The following CAMKMT variants were observed in gnomAD, a reference collection of about 807,000 sequenced individuals.
CAMKMT encodes CaM KMT.
A neutral mutation model predicts 48.0 loss-of-function variants in CAMKMT; 53 were observed. That is an observed-to-expected ratio of 1.10 (90% CI 0.89 to 1.39). The LOEUF is 1.39. CAMKMT is among the 40% of genes most tolerant of loss of function. The pLI is 0.00. For synonymous variants in CAMKMT, 165 were observed against 152.3 expected, an observed-to-expected ratio of 1.08 and a Z score of -0.61; for missense variants, 428 against 402.7, an observed-to-expected ratio of 1.06 and a Z score of -0.54.
chr2:44,541,703 T>C (rs1177142221), intron 3 of CAMKMT, among the ~76,000 whole-genome samples: 1 of 149,332 alleles, frequency 6.7e-6, no homozygotes, highest in Non-Finnish European at 1.5e-5. Flanking sequence ...CCCAGGAGGT[T>C]GAGGCTGCAG....
At chr2:44,654,147 C>G (rs1472108151) in intron 3 of CAMKMT, among the ~76,000 whole-genome samples, 1 of 152,096 alleles carries the variant, frequency 6.6e-6, no homozygotes, top group Non-Finnish European at 1.5e-5. Context: ...TGATCTTAGC[C>G]TAAACATTTC....
At chr2:44,649,838 G>A (rs931718349) in intron 3 of CAMKMT, among the ~76,000 whole-genome samples, 18 of 152,096 alleles carry the variant, frequency 1.2e-4, no homozygotes, top group African/African-American at 4.3e-4. Flanking sequence ...CCTTCTCCCT[G>A]TGAAGCTTTG....
At chr2:44,630,272 AG>A (rs1485557855) in intron 3 of CAMKMT, among the ~76,000 whole-genome samples, 1 of 152,094 alleles carries the variant, frequency 6.6e-6, no homozygotes, top group Admixed American at 6.6e-5. Flanking sequence ...CTTAAACGTT[AG>A]ACCTAAAACC....
chr2:44,575,933 C>T (rs150686333), intron 3 of CAMKMT, among the ~76,000 whole-genome samples: 11 of 152,146 alleles, frequency 7.2e-5, no homozygotes, highest in African/African-American at 2.7e-4. Context: ...AGTCCCCTTC[C>T]TAGTGACTTA....
intron 8 of CAMKMT, among the ~76,000 whole-genome samples, chr2:44,747,290 AT>A (rs951377861): frequency 8.5e-5 from 13 of 152,096 alleles, no homozygotes; most frequent in African/African-American, 2.4e-4. Flanking sequence ...TTTTGTGAAA[AT>A]TTTTTTCCCT....
chr2:44,670,004 A>G (rs74637244), intron 3 of CAMKMT, among the ~76,000 whole-genome samples: 5 of 152,004 alleles, frequency 3.3e-5, no homozygotes, highest in African/African-American at 1.2e-4. Flanking sequence ...ATAGGCTTTC[A>G]TGTTTTCTCT....
At chr2:44,399,167 GC>G (rs1232856366) in intron 3 of CAMKMT, among the ~76,000 whole-genome samples, 1 of 152,152 alleles carries the variant, frequency 6.6e-6, no homozygotes, top group African/African-American at 2.4e-5. Context: ...TTCGTCTTAA[GC>G]CTTTGCCCTT....
chr2:44,438,295 T>G (rs1180246608), intron 3 of CAMKMT, among the ~76,000 whole-genome samples: 2 of 152,198 alleles, frequency 1.3e-5, no homozygotes, highest in African/African-American at 4.8e-5. Flanking sequence ...TGAATTTGTT[T>G]CAGTAAAACA....
rs903850443 is a variant in CAMKMT, at chr2:44,402,108, C to T, written c.376+11803C>T. ...TTGGGAGGCCAAGGCGGGTGGATCA[C>T]CTGAGGTTGGGCGTTCGAGACCAGC... On this transcript the variant is annotated intron_variant, in intron 3 of 10. Coordinates refer to ENST00000378494, the MANE Select transcript of CAMKMT (RefSeq NM_024766.5). Among the ~76,000 whole-genome samples, 8 of 152,204 alleles carry T rather than the reference C, an allele frequency of 5.3e-5. No individual in the cohort carries two copies. In the South Asian group the frequency reaches 8.3e-4, roughly 16 times the overall value.
intron 7 of CAMKMT, 33 bp downstream of exon 7, chr2:44,715,386 T>C (rs374854171): frequency 1.3e-6 from 2 of 1,509,922 alleles, no homozygotes; most frequent in African/African-American, 1.4e-5. Flanking sequence ...AAAATTCCCA[T>C]TGAAATTGCT....
intron 3 of CAMKMT, among the ~76,000 whole-genome samples, chr2:44,408,116 C>G (rs1239690679): frequency 6.6e-6 from 1 of 151,348 alleles, no homozygotes; most frequent in Non-Finnish European, 1.5e-5. Context: ...ACCTCCACCT[C>G]CCAGGTTCAA....
At chr2:44,496,491 T>G (rs1669758283) in intron 3 of CAMKMT, among the ~76,000 whole-genome samples, 1 of 152,204 alleles carries the variant, frequency 6.6e-6, no homozygotes, top group Non-Finnish European at 1.5e-5. Flanking sequence ...ATTTTCCACT[T>G]TTGACTAATA....
intron 3 of CAMKMT, among the ~76,000 whole-genome samples, chr2:44,472,679 G>A (rs1476857440): frequency 6.6e-6 from 1 of 152,172 alleles, no homozygotes; most frequent in African/African-American, 2.4e-5. Context: ...GAGAGGACGG[G>A]CAGATATAGG....
At chr2:44,426,479 C>G (rs1015730922) in intron 3 of CAMKMT, among the ~76,000 whole-genome samples, 1 of 152,202 alleles carries the variant, frequency 6.6e-6, no homozygotes, top group Non-Finnish European at 1.5e-5. Context: ...TGATAAATGA[C>G]TTCAGTAAGG....
rs1413005911 is a variant in CAMKMT at position 44,390,244 on chromosome 2, T to C, written c.315T>C (p.His105=). The C allele has an allele frequency of 1.2e-6, 2 of 1,606,338 alleles. No homozygotes were observed. The highest frequency in any genetic ancestry group is 4.5e-5 in the East Asian group (2 of 44,686). ...FCPEYSISLR[H]NSGSLNVEDV... Reference sequence around the variant, plus strand: ...CAAACGCTTTACTCCTTTCTAGGCATAATAGTGGATCCTTGAATGTTGAAG... The same window carrying C: ...CAAACGCTTTACTCCTTTCTAGGCACAATAGTGGATCCTTGAATGTTGAAG... The change falls in exon 3 of 11, where the codon CAT becomes CAC. Residue 105 remains histidine (H), a synonymous_variant. Coordinates refer to ENST00000378494, the MANE Select transcript of CAMKMT (RefSeq NM_024766.5).
chr2:44,566,423 AAAG>A (rs1311898265), intron 3 of CAMKMT, among the ~76,000 whole-genome samples: 1 of 152,198 alleles, frequency 6.6e-6, no homozygotes, highest in African/African-American at 2.4e-5. Context: ...TTTTTATGAA[AAAG>A]AATAAATTGC....
At chr2:44,384,248 A>G (rs537217194) in intron 2 of CAMKMT, among the ~76,000 whole-genome samples, 18 of 151,890 alleles carry the variant, frequency 1.2e-4, no homozygotes, top group Non-Finnish European at 1.9e-4. Flanking sequence ...TTTTTTTCAT[A>G]TATTTGTTGG....
chr2:44,379,754 CCTG>C (rs959009987), intron 2 of CAMKMT, among the ~76,000 whole-genome samples: 9 of 150,408 alleles, frequency 6.0e-5, no homozygotes, highest in African/African-American at 2.2e-4. Context: ...AAGTTCTCTG[CCTG>C]CTTTTTTTTT....
intron 3 of CAMKMT, among the ~76,000 whole-genome samples, chr2:44,444,409 G>A (rs1253653991): frequency 6.6e-6 from 1 of 152,080 alleles, no homozygotes. Flanking sequence ...CTTTTGATAG[G>A]CATACCTTTT....
Sources: gnomAD v4.1 joint callset for allele counts (sites outside exome capture counted in the v4.1 genomes callset) on GRCh38, gnomAD v4.1.1 for gene constraint, MANE v1.5 for transcripts, NCBI Gene and HGNC (gene_info 2026-07-23, HGNC 2026-07-21) for gene names.